Variants in DICER1 observed in about 807,000 individuals in gnomAD.
DICER1 encodes endoribonuclease Dicer.
In DICER1, 43 loss-of-function variants were observed where a neutral mutation model predicts 194.1. The observed-to-expected ratio is 0.22, with a 90% CI of 0.17 to 0.29. The LOEUF is 0.29. Ranked by LOEUF, DICER1 falls within the 10% of genes least tolerant of loss-of-function variation. The pLI, the probability that DICER1 is intolerant of heterozygous loss-of-function variation, is 1.00. For synonymous variants in DICER1, 832 were observed against 820.5 expected (o/e 1.01, Z -0.24); for missense variants, 1,608 against 2,317.0 (o/e 0.69, Z 6.28).
chr14:95,156,207 T>C (rs1595521650), intron 1 of DICER1, among the ~76,000 whole-genome samples: 1 of 152,212 alleles, frequency 6.6e-6, no homozygotes, highest in Non-Finnish European at 1.5e-5. Flanking sequence ...TTCCACTGTT[T>C]GAAAACAAGC....
rs1893499726 is a variant in DICER1 at position 95,126,756 on chromosome 14, A to G, written c.735-8T>C. ...CATGGCTGAGAAGTATACCTTTAAC[A>G]TAAGAAACAAAAGGTATCAATACTG... On this transcript the variant is annotated splice_polypyrimidine_tract_variant and splice_region_variant and intron_variant, in intron 6 of 26. Coordinates refer to ENST00000343455, the MANE Select transcript of DICER1 (RefSeq NM_177438.3). 5 of 1,599,724 alleles carry G rather than the reference A, an allele frequency of 3.1e-6. No individual in the cohort carries two copies. The South Asian group carries it at 4.4e-5, about 14-fold the overall frequency.
chr14:95,151,078 T>C (rs1276703804), intron 1 of DICER1, among the ~76,000 whole-genome samples: 2 of 152,250 alleles, frequency 1.3e-5, no homozygotes. Context: ...TTGAGGTTTA[T>C]TTTACAAAAC....
chr14:95,131,704 CTAATGAT>C, intron 3 of DICER1, 65 bp from the exon 4 acceptor site: 4 of 1,368,438 alleles, frequency 2.9e-6, no homozygotes, highest in Non-Finnish European at 4.2e-6. Context: ...CTCTGGACTA[CTAATGAT>C]TAACAGTCTA....
In DICER1 at chr14:95,089,783, T is replaced by C. The variant is rs146319183; in HGVS notation, c.*715A>G. On this transcript the variant is annotated 3_prime_UTR_variant, in exon 27 of 27. Transcript: ENST00000343455. ...TAAAATGAAAGGAATGTAAAACAGT[T>C]TGTTCCAAAAAGATCAGAGATTAAA... The C allele has an allele frequency of 4.8e-4, 112 of 232,328 alleles. No individual in the cohort carries two copies. Among genetic ancestry groups the C allele is most frequent in the African/African-American group, 2.4e-3 (108 of 45,380 alleles). The allele number at this position is 232,328 out of a possible 1,614,324, so 14.4% of individuals were successfully genotyped here.
chr14:95,091,875 CTTCA>C (rs1423842418), intron 24 of DICER1, among the ~76,000 whole-genome samples: 1 of 152,142 alleles, frequency 6.6e-6, no homozygotes, highest in Non-Finnish European at 1.5e-5. Context: ...CAAGTTCCCT[CTTCA>C]TTAAGCCACT....
chr14:95,144,331 T>C (rs928888326), intron 1 of DICER1, among the ~76,000 whole-genome samples: 3 of 152,016 alleles, frequency 2.0e-5, no homozygotes, highest in Non-Finnish European at 2.9e-5. Flanking sequence ...CCTTTGTACC[T>C]ATCTTTCTTT....
intron 1 of DICER1, among the ~76,000 whole-genome samples, chr14:95,149,692 T>A (rs928670770): frequency 6.6e-6 from 1 of 152,260 alleles, no homozygotes; most frequent in African/African-American, 2.4e-5. Context: ...AAATTTGTAA[T>A]GACTAGGTAG....
chr14:95,131,491 T>C lies in DICER1; in HGVS notation c.438+18A>G, dbSNP rs373076475. On this transcript the variant is annotated intron_variant, in intron 4 of 26. Coordinates refer to ENST00000343455, the MANE Select transcript of DICER1 (RefSeq NM_177438.3). The stretch of plus-strand genomic sequence containing the variant: ...ACTTGTAGGGATTTATAAAGTGAAA[T>C]TTCTCTACAAGTCTTACCTGGTGCT... 10 of 1,610,740 alleles carry C rather than the reference T, an allele frequency of 6.2e-6. No individual in the cohort carries two copies. In the African/African-American group the frequency reaches 1.2e-4, roughly 19 times the overall value.
chr14:95,153,246 C>T (rs992300986), intron 1 of DICER1, among the ~76,000 whole-genome samples: 3 of 151,748 alleles, frequency 2.0e-5, no homozygotes, highest in African/African-American at 7.3e-5. Context: ...GGTGAGAATT[C>T]CTATTTGGAA....
Position 95,094,149 on chromosome 14 carries a change from G to A in DICER1, c.5103C>T (p.Tyr1701=). The change falls in exon 24 of 27, where the codon TAC becomes TAT. Residue 1701 remains tyrosine, a synonymous_variant. Transcript: ENST00000343455. ...CATCTCCCAGGAATTCTAAGCGCTG[G>A]TAACAATCTGAGGGGATCCGAAGTG... ...SYHYNTITDC[Y]QRLEFLGDAI... The A allele has an allele frequency of 1.9e-6, 3 of 1,614,096 alleles. No homozygotes were observed. The highest frequency in any genetic ancestry group is 1.1e-5 in the South Asian group (1 of 91,072).
At chr14:95,098,517 C>A (rs909936854) in intron 22 of DICER1, among the ~76,000 whole-genome samples, 7 of 151,224 alleles carry the variant, frequency 4.6e-5, no homozygotes, top group African/African-American at 1.7e-4. Flanking sequence ...CCATCAGAAA[C>A]ATTAAGAAAA....
intron 14 of DICER1, among the ~76,000 whole-genome samples, chr14:95,108,720 A>G (rs1272823493): frequency 1.3e-5 from 2 of 152,244 alleles, no homozygotes; most frequent in East Asian, 3.8e-4. Flanking sequence ...GTTCACATAC[A>G]TTATAATGCA....
intron 8 of DICER1, among the ~76,000 whole-genome samples, chr14:95,122,080 A>AT (rs1360761013): frequency 6.6e-6 from 1 of 152,218 alleles, no homozygotes; most frequent in Admixed American, 6.5e-5. Context: ...TGTATATTTA[A>AT]TTAGCTGCTC....
intron 2 of DICER1, 87 bp downstream of exon 2, chr14:95,133,228 A>G: frequency 7.0e-7 from 1 of 1,431,960 alleles, no homozygotes; most frequent in East Asian, 2.3e-5. Flanking sequence ...GAAAGGGTAA[A>G]TGAGTTTTAT....
chr14:95,128,233 CAG>C (rs1893649442), intron 6 of DICER1, among the ~76,000 whole-genome samples: 1 of 152,074 alleles, frequency 6.6e-6, no homozygotes, highest in South Asian at 2.1e-4. Context: ...TAACCCAAAA[CAG>C]AATTTATACT....
intron 1 of DICER1, chr14:95,134,259 T>C (rs889511737): frequency 6.6e-6 from 1 of 152,190 alleles, no homozygotes; most frequent in African/African-American, 2.4e-5. Flanking sequence ...GAAATAAAAA[T>C]TTTTTCATGG....
intron 6 of DICER1, 74 bp from the exon 7 acceptor site, chr14:95,126,822 CAA>C (rs75156371): frequency 0.071 from 23,550 of 333,424 alleles, no homozygotes; most frequent in Middle Eastern, 0.093. Flanking sequence ...TTTCAAAAAG[CAA>C]AAAAAAAAAA....
chr14:95,124,453 T>G lies in DICER1; in HGVS notation c.1119A>C (p.Val373=), dbSNP rs769274448. The G allele has an allele frequency of 5.0e-6, 8 of 1,614,066 alleles. No homozygotes were observed. Among genetic ancestry groups the G allele is most frequent in the Non-Finnish European group, 6.8e-6 (8 of 1,180,034 alleles). The change falls in exon 8 of 27, where the codon GTA becomes GTC. Residue 373 remains valine (V), a synonymous_variant. Coordinates refer to ENST00000343455, the MANE Select transcript of DICER1 (RefSeq NM_177438.3). The surrounding 1 kb of genome is among the most constrained non-coding windows in gnomAD (Gnocchi z 4.5). The part of the protein sequence containing the change: ...FSPASLDLKF[V]TPKVIKLLEI... Reference sequence around the variant, plus strand: ...CGAGCAGTTTGATTACTTTAGGAGTTACAAATTTCAGGTCAAGTGAGGCAG... The same window carrying G: ...CGAGCAGTTTGATTACTTTAGGAGTGACAAATTTCAGGTCAAGTGAGGCAG...
rs563163879 is a variant in DICER1 at position 95,112,165 on chromosome 14, T to A, written c.2116+7A>T. 1 of 1,612,582 alleles carries A rather than the reference T, an allele frequency of 6.2e-7. No homozygotes were observed. Among genetic ancestry groups the A allele is most frequent in the Non-Finnish European group, 8.5e-7 (1 of 1,178,594 alleles). On this transcript the variant is annotated splice_region_variant and intron_variant, in intron 13 of 26. Transcript: ENST00000343455. Reference sequence around the variant, plus strand: ...TTCATTCGTATATGCTTTTCAAACATCCTTACCAATTTTGTGCAGTTTCTC... The same window carrying A: ...TTCATTCGTATATGCTTTTCAAACAACCTTACCAATTTTGTGCAGTTTCTC...
Sources: gnomAD v4.1 joint callset for allele counts (sites outside exome capture counted in the v4.1 genomes callset) on GRCh38, gnomAD v4.1.1 for gene constraint, Gnocchi (gnomAD v3.1) non-coding constraint, MANE v1.5 for transcripts, NCBI Gene and HGNC (gene_info 2026-07-23, HGNC 2026-07-21) for gene names.